The following SYT1 variants were observed in gnomAD, a reference collection of about 807,000 sequenced individuals.
SYT1 encodes the protein synaptotagmin-1.
A neutral mutation model predicts 44.8 loss-of-function variants in SYT1; 8 were observed. The observed-to-expected ratio is 0.18, with a 90% CI of 0.10 to 0.32. The LOEUF (loss-of-function observed/expected upper bound fraction) is 0.32, where lower values mean the gene tolerates loss of function less well. Among genes scored for constraint, SYT1 ranks in the 10% least tolerant of loss-of-function variants. The pLI is 1.00. For synonymous variants in SYT1, 154 were observed against 188.8 expected (o/e 0.82, Z 1.51); for missense variants, 286 against 509.3 (o/e 0.56, Z 4.22).
chr12:79,106,786 G>C (rs561951828), intron 3 of SYT1, among the ~76,000 whole-genome samples: 3 of 151,802 alleles, frequency 2.0e-5, no homozygotes, highest in Admixed American at 1.3e-4. Context: ...CTAGTCTTAT[G>C]GTGGCATTTA....
intron 3 of SYT1, among the ~76,000 whole-genome samples, chr12:79,064,926 G>GAGAAGAAAGAA (rs1875664889): frequency 9.0e-6 from 1 of 111,454 alleles, no homozygotes; most frequent in Non-Finnish European, 1.8e-5. Flanking sequence ...AAAAAATAGA[G>GAGAAGAAAGAA]AGAAAGAAAG....
intron 4 of SYT1, among the ~76,000 whole-genome samples, chr12:79,232,110 G>A (rs971002649): frequency 2.0e-5 from 3 of 152,174 alleles, no homozygotes; most frequent in East Asian, 3.9e-4. Flanking sequence ...CTCTGGGAAG[G>A]TGTGAGCAGT....
At chr12:79,013,440 T>C (rs182397476) in intron 2 of SYT1, among the ~76,000 whole-genome samples, 84 of 152,282 alleles carry the variant, frequency 5.5e-4, no homozygotes, top group African/African-American at 2.0e-3. Flanking sequence ...AGGGATTAAC[T>C]GTTTATAAAC....
At chr12:79,031,337 A>T (rs1043722966) in intron 2 of SYT1, among the ~76,000 whole-genome samples, 2 of 151,088 alleles carry the variant, frequency 1.3e-5, no homozygotes, top group Non-Finnish European at 3.0e-5. Context: ...AAGTAATATT[A>T]TAAAATTTGA....
intron 3 of SYT1, among the ~76,000 whole-genome samples, chr12:79,166,345 T>G (rs1418755812): frequency 1.3e-5 from 2 of 152,036 alleles, no homozygotes; most frequent in African/African-American, 4.8e-5. Flanking sequence ...AATTCAATAA[T>G]GAATATAAAC....
chr12:79,325,884 A>G (rs1881587276), intron 8 of SYT1, among the ~76,000 whole-genome samples: 1 of 152,258 alleles, frequency 6.6e-6, no homozygotes, highest in South Asian at 2.1e-4. Context: ...ACAAGTATGC[A>G]GTCAATATTA....
chr12:78,868,051 G>A (rs1332580816), intron 1 of SYT1, among the ~76,000 whole-genome samples: 1 of 151,506 alleles, frequency 6.6e-6, no homozygotes, highest in East Asian at 1.9e-4. Flanking sequence ...TCCCAAAACA[G>A]TTAGAGCCAT....
At chr12:79,215,750 T>A (rs1308248013) in intron 3 of SYT1, among the ~76,000 whole-genome samples, 1 of 152,014 alleles carries the variant, frequency 6.6e-6, no homozygotes, top group Non-Finnish European at 1.5e-5. Flanking sequence ...TATCTATGTA[T>A]ATGTGTTAGC....
intron 1 of SYT1, among the ~76,000 whole-genome samples, chr12:78,910,100 T>C (rs181937793): frequency 1.3e-5 from 2 of 152,034 alleles, no homozygotes; most frequent in East Asian, 3.9e-4. Context: ...AGAAATAAAT[T>C]AGAAATTGCT....
chr12:79,122,612 G>A (rs1868295309), intron 3 of SYT1, among the ~76,000 whole-genome samples: 1 of 150,954 alleles, frequency 6.6e-6, no homozygotes, highest in African/African-American at 2.4e-5. Flanking sequence ...TTACTAAACT[G>A]GAATATACCT....
chr12:79,228,068 T>G (rs1265765639), intron 4 of SYT1, among the ~76,000 whole-genome samples: 1 of 151,844 alleles, frequency 6.6e-6, no homozygotes, highest in African/African-American at 2.4e-5. Flanking sequence ...AATTTTACTT[T>G]CTCTCTCCTT....
intron 1 of SYT1, among the ~76,000 whole-genome samples, chr12:78,870,149 T>C (rs1425180635): frequency 6.6e-6 from 1 of 152,066 alleles, no homozygotes; most frequent in Non-Finnish European, 1.5e-5. Flanking sequence ...TAAGATATTA[T>C]TTCCAAGAGT....
At chr12:79,356,452 G>C (rs553506263) in intron 9 of SYT1, among the ~76,000 whole-genome samples, 1 of 152,168 alleles carries the variant, frequency 6.6e-6, no homozygotes, top group African/African-American at 2.4e-5. Flanking sequence ...TATTTACAAA[G>C]GAGCTATGGC....
At chr12:78,913,586 A>G (rs576118504) in intron 1 of SYT1, among the ~76,000 whole-genome samples, 9 of 151,868 alleles carry the variant, frequency 5.9e-5, no homozygotes, top group Non-Finnish European at 1.0e-4. Flanking sequence ...AAAATGCAGA[A>G]TTCCTCATTC....
At chr12:79,293,192 C>T (rs1357899714) in intron 6 of SYT1, among the ~76,000 whole-genome samples, 1 of 149,870 alleles carries the variant, frequency 6.7e-6, no homozygotes, top group African/African-American at 2.4e-5. Context: ...GGCGTGGTGA[C>T]AGGCGCCTGT....
chr12:78,954,233 G>A (rs1343150525), intron 1 of SYT1, among the ~76,000 whole-genome samples: 1 of 152,052 alleles, frequency 6.6e-6, no homozygotes, highest in Non-Finnish European at 1.5e-5. Flanking sequence ...ATAGTTTTGT[G>A]TAAGGATTCA....
chr12:79,309,395 T>TTG (rs1880646728), intron 8 of SYT1, among the ~76,000 whole-genome samples: 1 of 152,204 alleles, frequency 6.6e-6, no homozygotes, highest in Non-Finnish European at 1.5e-5. Flanking sequence ...TTCTTTTTTT[T>TTG]TTTTTATCTG....
intron 3 of SYT1, among the ~76,000 whole-genome samples, chr12:79,154,453 A>G: frequency 6.6e-6 from 1 of 151,800 alleles, no homozygotes. Context: ...GAGAAGTTAA[A>G]TACCTTGACA....
intron 8 of SYT1, among the ~76,000 whole-genome samples, chr12:79,319,672 C>T (rs962651088): frequency 6.6e-6 from 1 of 152,076 alleles, no homozygotes; most frequent in Non-Finnish European, 1.5e-5. Flanking sequence ...TTCAACACCA[C>T]TCCCAAGTCT....
Sources: allele counts gnomAD v4.1 joint callset (sites outside exome capture counted in the v4.1 genomes callset), GRCh38; gene constraint gnomAD v4.1.1; transcripts MANE v1.5; gene names NCBI Gene and HGNC (gene_info 2026-07-23, HGNC 2026-07-21).